Variants in TNIK observed in about 807,000 individuals in gnomAD.
TNIK encodes TRAF2 and NCK-interacting protein kinase.
In TNIK, 49 loss-of-function variants were observed where a neutral mutation model predicts 191.3. The ratio of observed to expected loss-of-function variants is 0.26; its 90% CI spans 0.20 to 0.32. The LOEUF (loss-of-function observed/expected upper bound fraction) is 0.32, where lower values mean the gene tolerates loss of function less well. TNIK is among the 10% of genes least tolerant of loss of function. TNIK has a pLI of 1.00. For synonymous variants in TNIK, 594 were observed against 600.9 expected (o/e 0.99, Z 0.17); for missense variants, 1,155 against 1,702.3 (o/e 0.68, Z 5.66).
Position 171,211,219 on chromosome 3 carries a change from T to A in TNIK, c.203A>T (p.Gln68Leu), listed in dbSNP as rs771745151. 1 of 1,610,938 alleles carries A rather than the reference T, an allele frequency of 6.2e-7. No homozygotes were observed. Among genetic ancestry groups the A allele is most frequent in the East Asian group, 2.2e-5 (1 of 44,808 alleles). Residue 68 changes from glutamine (Q) to leucine (L), a missense_variant, in exon 4 of 33, where the codon CAA (glutamine) becomes CTA (leucine). Around this residue, in one of 3 missense-constraint regions of TNIK, gnomAD observed 225 missense variants for 438.9 expected, o/e 0.51. Transcript: ENST00000436636. ...VTGDEEEEIK[Q>L]EINMLKKYSH... The stretch of plus-strand genomic sequence containing the variant: ...ATATTTCTTCAACATGTTAATTTCT[T>A]GTTTGATTTCTTCCTCTTCATCCTG...
At chr3:171,381,059 T>TG (rs1186743792) in intron 1 of TNIK, among the ~76,000 whole-genome samples, 1 of 130,894 alleles carries the variant, frequency 7.6e-6, no homozygotes, top group Non-Finnish European at 1.6e-5. Context: ...CATTTGCATC[T>TG]ATTTTTTTTT....
At chr3:171,106,564 G>C (rs1320931707) in intron 21 of TNIK, 2 of 442,698 alleles carry the variant, frequency 4.5e-6, no homozygotes, top group Non-Finnish European at 9.5e-6. Context: ...ATTCATGCAG[G>C]TCTGACAAAT....
intron 10 of TNIK, 71 bp downstream of exon 10, chr3:171,167,024 C>A: frequency 6.5e-7 from 1 of 1,527,588 alleles, no homozygotes; most frequent in Non-Finnish European, 8.8e-7. Context: ...TAGTCACCTC[C>A]AAATACATCA....
chr3:171,145,753 C>G lies in TNIK; in HGVS notation c.1222-5244G>C, dbSNP rs77965761. ...AGAGATAATCCTCATGCATATTCCT[C>G]ACAAGGGCTGTGGAGTCAGTCTTTC... On this transcript the variant is annotated intron_variant, in intron 12 of 32. Transcript: ENST00000436636. Among the ~76,000 whole-genome samples, 809 of 150,150 alleles carry G rather than the reference C, an allele frequency of 5.4e-3. 9 individuals carry two copies. The highest frequency in any genetic ancestry group is 0.019 in the African/African-American group (783 of 40,942).
At chr3:171,221,798 T>C (rs76483491) in intron 3 of TNIK, among the ~76,000 whole-genome samples, 3,806 of 152,172 alleles carry the variant, frequency 0.025, 119 homozygotes, top group African/African-American at 0.071. Context: ...AACTCTGTAA[T>C]TGAGGTGGTA....
At chr3:171,329,873 A>C (rs1032995263) in intron 2 of TNIK, among the ~76,000 whole-genome samples, 1 of 152,170 alleles carries the variant, frequency 6.6e-6, no homozygotes, top group Non-Finnish European at 1.5e-5. Flanking sequence ...TCCAGCTTTG[A>C]GGGATGCGAA....
chr3:171,211,411 G>A (rs897336073), intron 3 of TNIK, among the ~76,000 whole-genome samples, 170 bp from the exon 4 acceptor site: 1 of 152,146 alleles, frequency 6.6e-6, no homozygotes, highest in African/African-American at 2.4e-5. Flanking sequence ...TACATTGGCT[G>A]TCCAAGAGAC....
At chr3:171,434,031 C>A (rs563872283) in intron 1 of TNIK, among the ~76,000 whole-genome samples, 46 of 147,192 alleles carry the variant, frequency 3.1e-4, no homozygotes, top group African/African-American at 1.1e-3. Flanking sequence ...CTACAACCAC[C>A]ACCTCCTGGG....
intron 2 of TNIK, among the ~76,000 whole-genome samples, chr3:171,262,776 T>G (rs1747811080): frequency 6.6e-6 from 1 of 152,232 alleles, no homozygotes; most frequent in Non-Finnish European, 1.5e-5. Context: ...TATCCATGCC[T>G]CAATAAAACC....
chr3:171,099,375 A>AT (rs35357404), intron 22 of TNIK, among the ~76,000 whole-genome samples: 65,344 of 145,604 alleles, frequency 0.45, 16,292 homozygotes, highest in East Asian at 0.6. Flanking sequence ...TTACCTCAGG[A>AT]TTTTTTTTTT....
chr3:171,195,674 C>T (rs925961349), intron 4 of TNIK, among the ~76,000 whole-genome samples: 11 of 152,052 alleles, frequency 7.2e-5, no homozygotes, highest in African/African-American at 2.7e-4. Context: ...TAAATAAAAT[C>T]TCATGAAACT....
chr3:171,110,050 A>G (rs1159283263), intron 19 of TNIK, among the ~76,000 whole-genome samples: 9 of 152,002 alleles, frequency 5.9e-5, no homozygotes. Context: ...GATTACAGGC[A>G]TGCACCACCA....
At chr3:171,284,123 G>T (rs1263699572) in intron 2 of TNIK, among the ~76,000 whole-genome samples, 2 of 151,958 alleles carry the variant, frequency 1.3e-5, no homozygotes, top group East Asian at 3.9e-4. Context: ...TCTGGAGGGG[G>T]GCGGCAGGGA....
chr3:171,283,290 T>C (rs1342558978), intron 2 of TNIK, among the ~76,000 whole-genome samples: 2 of 152,146 alleles, frequency 1.3e-5, no homozygotes, highest in African/African-American at 2.4e-5. Context: ...TTCCTCTTTT[T>C]CCACAAAAAT....
intron 1 of TNIK, among the ~76,000 whole-genome samples, chr3:171,384,537 C>T (rs570851327): frequency 1.3e-5 from 2 of 152,288 alleles, no homozygotes; most frequent in South Asian, 2.1e-4. Flanking sequence ...TAAAATCTAC[C>T]CAGCAGAGAT....
chr3:171,157,698 T>G (rs748110933), intron 11 of TNIK, 34 bp from the exon 12 acceptor site: 165 of 1,549,508 alleles, frequency 1.1e-4, no homozygotes, highest in Middle Eastern at 1.7e-4. Context: ...GGATCCCACG[T>G]GGGGCAGGGG....
chr3:171,208,904 G>A (rs1460191056), intron 4 of TNIK, among the ~76,000 whole-genome samples: 1 of 152,100 alleles, frequency 6.6e-6, no homozygotes, highest in African/African-American at 2.4e-5. Flanking sequence ...TAAATGCAGA[G>A]CTACATCATT....
At chr3:171,386,950 T>C (rs966578787) in intron 1 of TNIK, among the ~76,000 whole-genome samples, 4 of 152,184 alleles carry the variant, frequency 2.6e-5, no homozygotes, top group African/African-American at 7.2e-5. Context: ...TTCAGCAATA[T>C]AAAATGTCCC....
intron 2 of TNIK, among the ~76,000 whole-genome samples, chr3:171,243,444 C>T (rs1042478180): frequency 9.9e-5 from 15 of 151,166 alleles, no homozygotes. Context: ...AAAAAAACAC[C>T]TTCTTATCCA....
Sources: gnomAD v4.1 joint callset for allele counts (sites outside exome capture counted in the v4.1 genomes callset) on GRCh38, gnomAD v4.1.1 for gene constraint, gnomAD v4.1.1 regional missense constraint, MANE v1.5 for transcripts, NCBI Gene and HGNC (gene_info 2026-07-23, HGNC 2026-07-21) for gene names.